The following EMB variants were observed in gnomAD, a reference collection of about 807,000 sequenced individuals.
EMB encodes the protein embigin homolog.
Under a neutral mutation model 41.4 loss-of-function variants are expected in EMB, and 31 were observed. That is an observed-to-expected ratio of 0.75 (90% CI 0.56 to 1.01). The LOEUF (loss-of-function observed/expected upper bound fraction) is 1.01. Ranked by LOEUF, EMB falls within the 50% of genes least tolerant of loss-of-function variation. The pLI is 0.00. For missense variants in EMB, 379 were observed against 388.3 expected (o/e 0.98, Z 0.20); for synonymous variants, 137 against 140.4 (o/e 0.98, Z 0.17).
At chr5:50,428,352 C>A in intron 1 of EMB, 125 bp from the exon 2 acceptor site, 1 of 1,273,704 alleles carries the variant, frequency 7.9e-7, no homozygotes, top group South Asian at 1.8e-5. Flanking sequence ...TCAGGAAGCT[C>A]AAAGTCTTAT....
intron 1 of EMB, among the ~76,000 whole-genome samples, chr5:50,438,555 A>T (rs1222381866): frequency 1.3e-5 from 2 of 152,184 alleles, no homozygotes; most frequent in Non-Finnish European, 2.9e-5. Flanking sequence ...TTAAAATTTG[A>T]CTCAAAGTCT....
chr5:50,421,313 A>G (rs1745518788), intron 2 of EMB, among the ~76,000 whole-genome samples: 1 of 152,220 alleles, frequency 6.6e-6, no homozygotes, highest in Admixed American at 6.5e-5. Context: ...ATCACTGGCC[A>G]TCAGAGAAAT....
At chr5:50,414,014 T>C (rs1745387774) in intron 2 of EMB, among the ~76,000 whole-genome samples, 1 of 152,158 alleles carries the variant, frequency 6.6e-6, no homozygotes, top group Non-Finnish European at 1.5e-5. Flanking sequence ...TAGGGATGCA[T>C]ACCTGGGTAA....
chr5:50,399,169 C>T lies in EMB; in HGVS notation c.*104G>A. 6.6e-7 allele frequency: 1 copy of T among 1,517,156 alleles called. No individual in the cohort carries two copies. Among genetic ancestry groups the T allele is most frequent in the Admixed American group, 2.0e-5 (1 of 49,038 alleles). 94.0% of individuals were successfully genotyped at this position (1,517,156 alleles called of 1,614,324 possible). A position where few individuals can be genotyped will look rare whatever the true frequency, so the allele number is the denominator to read the frequency against. ...TGAGCATGTTGCATAAGCTTTTCATCCTTTTAAAACTAAAAACTCAGAGGC... is the reference window on the plus strand; with the variant it reads ...TGAGCATGTTGCATAAGCTTTTCATTCTTTTAAAACTAAAAACTCAGAGGC... On this transcript the variant is annotated 3_prime_UTR_variant, in exon 9 of 9. Transcript: ENST00000303221.
In EMB at chr5:50,403,101, A is replaced by G; in HGVS notation, c.877+77T>C. 3.8e-6 allele frequency: 5 copies of G among 1,331,604 alleles called. No homozygotes were observed. The South Asian group carries it at 7.5e-5, about 20-fold the overall frequency. 82.5% of individuals were successfully genotyped at this position (1,331,604 alleles called of 1,614,324 possible). A position where few individuals can be genotyped will look rare whatever the true frequency, so the allele number is the denominator to read the frequency against. ...TGCAATGTATCAAATCATAATCCATATCATAAGTAAATGATACTTATAATT... is the reference window on the plus strand; with the variant it reads ...TGCAATGTATCAAATCATAATCCATGTCATAAGTAAATGATACTTATAATT... On this transcript the variant is annotated intron_variant, in intron 6 of 8. Coordinates refer to ENST00000303221, the MANE Select transcript of EMB (RefSeq NM_198449.3).
At chr5:50,438,394 T>A (rs1264122260) in intron 1 of EMB, among the ~76,000 whole-genome samples, 2 of 152,150 alleles carry the variant, frequency 1.3e-5, no homozygotes, top group African/African-American at 2.4e-5. Context: ...TGCAATACTC[T>A]GAGATGAATT....
intron 1 of EMB, among the ~76,000 whole-genome samples, chr5:50,438,554 G>T (rs1745843504): frequency 6.6e-6 from 1 of 152,104 alleles, no homozygotes; most frequent in African/African-American, 2.4e-5. Context: ...ATTAAAATTT[G>T]ACTCAAAGTC....
At chr5:50,437,636 A>G (rs1745826406) in intron 1 of EMB, among the ~76,000 whole-genome samples, 1 of 151,912 alleles carries the variant, frequency 6.6e-6, no homozygotes, top group African/African-American at 2.4e-5. Context: ...TTAAAGGTAA[A>G]AACTGCCAGC....
At chr5:50,399,662 G>C (rs758385437) in intron 8 of EMB, among the ~76,000 whole-genome samples, 197 bp downstream of exon 8, 6 of 151,898 alleles carry the variant, frequency 4.0e-5, no homozygotes, top group Non-Finnish European at 4.4e-5. Flanking sequence ...GTTGCTATGT[G>C]CCCTCTGGTG....
At chr5:50,439,975 T>C (rs535185111) in intron 1 of EMB, among the ~76,000 whole-genome samples, 1 of 152,274 alleles carries the variant, frequency 6.6e-6, no homozygotes, top group South Asian at 2.1e-4. Flanking sequence ...CCTTTCAATA[T>C]GAAAAGTAAT....
chr5:50,418,090 A>G (rs1745458797), intron 2 of EMB, among the ~76,000 whole-genome samples: 1 of 152,244 alleles, frequency 6.6e-6, no homozygotes, highest in African/African-American at 2.4e-5. Context: ...TCTTGTTTCA[A>G]CAATGCAGTA....
At chr5:50,428,817 T>G in intron 1 of EMB, 5 of 844,656 alleles carry the variant, frequency 5.9e-6, no homozygotes, top group Non-Finnish European at 7.1e-6. Context: ...AAAACTTTAA[T>G]TAAAGAAACA....
chr5:50,417,093 T>A (rs975645497), intron 2 of EMB, among the ~76,000 whole-genome samples: 1 of 152,152 alleles, frequency 6.6e-6, no homozygotes, highest in Non-Finnish European at 1.5e-5. Flanking sequence ...ACTCTTGAAT[T>A]CTTTCCTGAG....
chr5:50,416,112 A>G (rs1340675290), intron 2 of EMB, among the ~76,000 whole-genome samples: 1 of 152,174 alleles, frequency 6.6e-6, no homozygotes, highest in Non-Finnish European at 1.5e-5. Context: ...TCACAGCATC[A>G]AAAACATGCA....
At chr5:50,402,921 G>C (rs979105101) in intron 6 of EMB, among the ~76,000 whole-genome samples, 1 of 131,602 alleles carries the variant, frequency 7.6e-6, no homozygotes, top group Non-Finnish European at 1.7e-5. Context: ...TGGGGGAAGA[G>C]AAAGAAAAAA....
In EMB at chr5:50,403,453, A is replaced by G. The variant is rs776377059; in HGVS notation, c.602T>C (p.Val201Ala). The G allele has an allele frequency of 6.2e-7, 1 of 1,611,696 alleles. No individual in the cohort carries two copies. Among genetic ancestry groups the G allele is most frequent in the South Asian group, 1.1e-5 (1 of 90,994 alleles). Residue 201 changes from valine to alanine, a missense_variant and splice_region_variant, in exon 6 of 9, where the codon GTT becomes GCT. Physicochemically the swap from Val to Ala is moderately conservative, Grantham distance 64. Transcript: ENST00000303221. ...TTTATTCATTTGAACACCAACAGGA[A>G]CCTAATATGAGGAGACATTAAAATC... ...TWYSSNGSVK[V>A]PVGVQMNKYV...
At chr5:50,419,166 C>T (rs1366138716) in intron 2 of EMB, among the ~76,000 whole-genome samples, 1 of 152,198 alleles carries the variant, frequency 6.6e-6, no homozygotes, top group African/African-American at 2.4e-5. Flanking sequence ...GTATGCTCCC[C>T]TCCATGGCCA....
chr5:50,430,285 C>A (rs1021810966), intron 1 of EMB, among the ~76,000 whole-genome samples: 1 of 152,166 alleles, frequency 6.6e-6, no homozygotes, highest in Non-Finnish European at 1.5e-5. Flanking sequence ...TTGCTTTCCT[C>A]CCCAGGGATA....
intron 2 of EMB, among the ~76,000 whole-genome samples, chr5:50,412,688 G>C (rs528196124): frequency 6.6e-5 from 10 of 152,042 alleles, no homozygotes; most frequent in African/African-American, 2.4e-4. Flanking sequence ...TATTAAATAC[G>C]CTTTTTGTTT....
Sources: allele counts gnomAD v4.1 joint callset (sites outside exome capture counted in the v4.1 genomes callset), GRCh38; gene constraint gnomAD v4.1.1; transcripts MANE v1.5; gene names NCBI Gene and HGNC (gene_info 2026-07-23, HGNC 2026-07-21).